ITPRID1: variants seen among roughly 807,000 people sequenced by gnomAD.
The protein encoded by ITPRID1 is ITPR interacting domain containing 1.
In ITPRID1, 96 loss-of-function variants were observed where a neutral mutation model predicts 95.4. That is an observed-to-expected ratio of 1.01 (90% confidence interval 0.85 to 1.19). ITPRID1 has a LOEUF of 1.19. Ranked by LOEUF, ITPRID1 falls within the 50% of genes most tolerant of loss-of-function variation. ITPRID1 has a pLI of 0.00. For synonymous variants in ITPRID1, 510 were observed against 453.6 expected (o/e 1.12, Z -1.58); for missense variants, 1,339 against 1,252.9 (o/e 1.07, Z -1.04).
At chr7:31,657,060 A>ATATATATTATGTATCATATATATTT, downstream of ITPRID1, among the ~76,000 whole-genome samples, 1 of 45,118 alleles carries the variant, frequency 2.2e-5, no homozygotes, top group East Asian at 5.8e-4. Context: ...CACACGCACT[A>ATATATATTATGTATCATATATATTT]TATATATTAT....
At chr7:31,515,522 CTGAGA>C (rs1056818211) in intron 1 of ITPRID1, among the ~76,000 whole-genome samples, 30 of 152,228 alleles carry the variant, frequency 2.0e-4, no homozygotes, top group African/African-American at 7.2e-4. Flanking sequence ...TTGCAGTGAG[CTGAGA>C]TATCACCATT....
At chr7:31,588,476 C>G (rs1785717555) in intron 10 of ITPRID1, among the ~76,000 whole-genome samples, 1 of 151,208 alleles carries the variant, frequency 6.6e-6, no homozygotes, top group Admixed American at 6.6e-5. Flanking sequence ...ACTAAAAATA[C>G]AAAAATTAGC....
chr7:31,552,620 T>C (rs1784317858), intron 2 of ITPRID1, among the ~76,000 whole-genome samples: 1 of 152,046 alleles, frequency 6.6e-6, no homozygotes, highest in African/African-American at 2.4e-5. Flanking sequence ...TTCTCCAACA[T>C]TTGGGCCTCA....
chr7:31,516,865 C>A (rs910128583), intron 1 of ITPRID1, among the ~76,000 whole-genome samples: 8 of 152,194 alleles, frequency 5.3e-5, no homozygotes, highest in South Asian at 2.1e-4. Flanking sequence ...AGCCACAGAC[C>A]CTCGTGTTAA....
chr7:31,651,627 AG>A (rs150549131), intron 13 of ITPRID1, among the ~76,000 whole-genome samples: 18 of 152,216 alleles, frequency 1.2e-4, no homozygotes, highest in Non-Finnish European at 1.8e-4. Context: ...GTAAAGGGAG[AG>A]GCATACGGGT....
At chr7:31,519,106 C>T (rs1030412629) in intron 1 of ITPRID1, among the ~76,000 whole-genome samples, 3 of 152,268 alleles carry the variant, frequency 2.0e-5, no homozygotes, top group Non-Finnish European at 2.9e-5. Flanking sequence ...TATCCTGCAG[C>T]GTGCTCTGCA....
At chr7:31,580,435 A>C (rs1785357859) in intron 9 of ITPRID1, among the ~76,000 whole-genome samples, 1 of 152,090 alleles carries the variant, frequency 6.6e-6, no homozygotes, top group Non-Finnish European at 1.5e-5. Context: ...TTCAAACTAG[A>C]CTGATTTAGA....
At chr7:31,574,982 T>A (rs1477154070) in intron 8 of ITPRID1, among the ~76,000 whole-genome samples, 1 of 152,186 alleles carries the variant, frequency 6.6e-6, no homozygotes, top group Non-Finnish European at 1.5e-5. Context: ...CGGCCTCTAA[T>A]CTGGAACCTC....
In ITPRID1 at chr7:31,552,401, A is replaced by C. The variant is rs562778818; in HGVS notation, c.-23-601A>C. ...TATATTACTTCCTTCATTGACAATTAAGTTAAATAATGAATGTATAGAATT... is the reference window on the plus strand; with the variant it reads ...TATATTACTTCCTTCATTGACAATTCAGTTAAATAATGAATGTATAGAATT... On this transcript the variant is annotated intron_variant, in intron 2 of 14. Coordinates refer to ENST00000615280, the MANE Select transcript of ITPRID1 (RefSeq NM_001257967.3). Among the ~76,000 whole-genome samples, 27 of 152,318 alleles carry C rather than the reference A, an allele frequency of 1.8e-4. No individual in the cohort carries two copies. The East Asian group carries it at 4.8e-3, about 27-fold the overall frequency.
intron 10 of ITPRID1, among the ~76,000 whole-genome samples, chr7:31,600,584 C>G (rs566151950): frequency 6.6e-6 from 1 of 152,304 alleles, no homozygotes; most frequent in Admixed American, 6.5e-5. Context: ...CGTTGCATAA[C>G]CGGGATCCTA....
chr7:31,642,889 CT>C lies in ITPRID1; in HGVS notation c.1520del (p.Leu507ArgfsTer64). 4 of 1,614,026 alleles carry C rather than the reference CT, an allele frequency of 2.5e-6. No homozygotes were observed. The highest frequency in any genetic ancestry group is 3.4e-6 in the Non-Finnish European group (4 of 1,179,894). ...AGTATCTGTGATGGAGGAAGAGTTT[CT>C]GCTTGAGGCCATGGAGGGGCCACCA... The part of the protein sequence containing the change: ...ASVSVMEEEF[L>X]LEAMEGPPEL... On this transcript the variant is annotated frameshift_variant, in exon 12 of 15. Transcript: ENST00000615280. LOFTEE classifies it high-confidence loss of function.
intron 2 of ITPRID1, 133 bp from the exon 3 acceptor site, chr7:31,552,869 G>T (rs1784327640): frequency 1.1e-6 from 1 of 940,470 alleles, no homozygotes; most frequent in Non-Finnish European, 1.5e-6. Context: ...GGGTGAGCCA[G>T]GTTCATGTAT....
intron 10 of ITPRID1, among the ~76,000 whole-genome samples, chr7:31,622,451 ACTCACTCAAAACTG>A (rs1788007002): frequency 6.6e-6 from 1 of 151,482 alleles, no homozygotes; most frequent in Admixed American, 6.6e-5. Flanking sequence ...GGATTAAGAA[ACTCACTCAAAACTG>A]CTCAACTACA....
chr7:31,566,272 A>G (rs1396017749), intron 5 of ITPRID1, among the ~76,000 whole-genome samples: 1 of 152,188 alleles, frequency 6.6e-6, no homozygotes, highest in Non-Finnish European at 1.5e-5. Flanking sequence ...AAAACGGATC[A>G]TTTCCTCTCT....
At chr7:31,641,783 G>GTA (rs1479854781) in intron 10 of ITPRID1, among the ~76,000 whole-genome samples, 1 of 152,120 alleles carries the variant, frequency 6.6e-6, no homozygotes, top group Non-Finnish European at 1.5e-5. Context: ...ACAAGAATAT[G>GTA]TATATATACA....
chr7:31,536,569 C>CA (rs947252972), intron 1 of ITPRID1, among the ~76,000 whole-genome samples: 3 of 151,848 alleles, frequency 2.0e-5, no homozygotes, highest in African/African-American at 4.8e-5. Context: ...ATATATAAAC[C>CA]AAAAAAGATA....
intron 10 of ITPRID1, among the ~76,000 whole-genome samples, chr7:31,588,119 G>A (rs187139904): frequency 1.3e-5 from 2 of 152,020 alleles, no homozygotes; most frequent in African/African-American, 4.8e-5. Flanking sequence ...AACTCCTAAT[G>A]AGCCAACCCT....
intron 5 of ITPRID1, among the ~76,000 whole-genome samples, chr7:31,567,003 C>A (rs954557173): frequency 1.1e-4 from 17 of 152,074 alleles, no homozygotes; most frequent in Admixed American, 9.8e-4. Context: ...TAGAATTTTG[C>A]AAAGGATTTT....
intron 5 of ITPRID1, among the ~76,000 whole-genome samples, chr7:31,560,867 T>C (rs1408441461): frequency 6.6e-6 from 1 of 152,022 alleles, no homozygotes; most frequent in Non-Finnish European, 1.5e-5. Flanking sequence ...ATATATACAT[T>C]TGGGAGTAGC....
Sources: allele counts gnomAD v4.1 joint callset (sites outside exome capture counted in the v4.1 genomes callset), GRCh38; gene constraint gnomAD v4.1.1; transcripts MANE v1.5; gene names NCBI Gene and HGNC (gene_info 2026-07-23, HGNC 2026-07-21).